The following THSD7B variants were observed in gnomAD, a reference collection of about 807,000 sequenced individuals.
THSD7B encodes thrombospondin type 1 domain containing 7B.
A neutral mutation model predicts 213.6 loss-of-function variants in THSD7B; 138 were observed. That is an observed-to-expected ratio of 0.65 (90% CI 0.56 to 0.74). THSD7B has a LOEUF of 0.74. Among genes scored for constraint, THSD7B ranks in the 30% least tolerant of loss-of-function variants. The pLI is 0.00. For missense variants in THSD7B, 1,931 were observed against 1,991.5 expected, an observed-to-expected ratio of 0.97 and a Z score of 0.58; for synonymous variants, 742 against 687.0, an observed-to-expected ratio of 1.08 and a Z score of -1.25.
chr2:137,474,757 T>C (rs1688161104), intron 15 of THSD7B, among the ~76,000 whole-genome samples: 1 of 152,192 alleles, frequency 6.6e-6, no homozygotes, highest in Non-Finnish European at 1.5e-5. Context: ...CTCAGCAAGA[T>C]TAAACTCTCA....
At chr2:137,418,839 A>G (rs1448880972) in intron 14 of THSD7B, among the ~76,000 whole-genome samples, 1 of 152,128 alleles carries the variant, frequency 6.6e-6, no homozygotes, top group Non-Finnish European at 1.5e-5. Flanking sequence ...CTCCAGTTCA[A>G]TCAATGTTGC....
At chr2:137,311,148 T>C (rs1202585848) in intron 12 of THSD7B, among the ~76,000 whole-genome samples, 2 of 151,374 alleles carry the variant, frequency 1.3e-5, no homozygotes, top group African/African-American at 2.4e-5. Flanking sequence ...CATGGAATGT[T>C]CTTCCATTTG....
intron 2 of THSD7B, among the ~76,000 whole-genome samples, chr2:136,954,714 C>CAAAAAAAAAAAAAAA (rs11378111): frequency 7.8e-5 from 7 of 89,398 alleles, no homozygotes; most frequent in African/African-American, 3.9e-4. Flanking sequence ...GACTCTGTCT[C>CAAAAAAAAAAAAAAA]AAAAAAAAAA....
intron 2 of THSD7B, among the ~76,000 whole-genome samples, chr2:136,965,019 A>AG (rs2105089652): frequency 6.6e-6 from 1 of 152,024 alleles, no homozygotes; most frequent in South Asian, 2.1e-4. Context: ...TCAAAAAAAA[A>AG]AAAAAAAAAA....
chr2:137,636,704 T>C (rs1194387935), intron 20 of THSD7B, among the ~76,000 whole-genome samples: 2 of 152,264 alleles, frequency 1.3e-5, no homozygotes, highest in Non-Finnish European at 2.9e-5. Context: ...AGTTTTATTT[T>C]ACAGAAAATT....
chr2:137,533,445 ATACTC>A (rs1326286046), intron 15 of THSD7B, among the ~76,000 whole-genome samples: 8 of 151,850 alleles, frequency 5.3e-5, no homozygotes, highest in Non-Finnish European at 8.8e-5. Context: ...CTTCAACTCA[ATACTC>A]TACTTATTAA....
At chr2:137,654,980 T>C (rs35881188) in intron 21 of THSD7B, among the ~76,000 whole-genome samples, 13,267 of 152,228 alleles carry the variant, frequency 0.087, 661 homozygotes, top group Middle Eastern at 0.16. Context: ...GGGTATGACA[T>C]GTCTTCAAAG....
At chr2:136,861,256 C>T (rs918606348) in intron 1 of THSD7B, among the ~76,000 whole-genome samples, 7 of 152,146 alleles carry the variant, frequency 4.6e-5, no homozygotes, top group African/African-American at 1.4e-4. Flanking sequence ...TTTAGGGTCT[C>T]ATTATTTAGT....
chr2:137,007,004 T>A (rs961583437), intron 2 of THSD7B, among the ~76,000 whole-genome samples: 2 of 152,194 alleles, frequency 1.3e-5, no homozygotes, highest in African/African-American at 4.8e-5. Flanking sequence ...GCTCAAAACA[T>A]TTCTTCCTAG....
chr2:136,973,971 T>C (rs1380327582), intron 2 of THSD7B, among the ~76,000 whole-genome samples: 1 of 152,218 alleles, frequency 6.6e-6, no homozygotes, highest in Non-Finnish European at 1.5e-5. Context: ...AAATTTAGGC[T>C]AAGTGGAATT....
intron 2 of THSD7B, among the ~76,000 whole-genome samples, chr2:137,016,366 G>A (rs1333214090): frequency 6.6e-6 from 1 of 152,096 alleles, no homozygotes; most frequent in Non-Finnish European, 1.5e-5. Context: ...AGTGAATTTG[G>A]GGAGATATTT....
intron 15 of THSD7B, among the ~76,000 whole-genome samples, chr2:137,543,430 G>T (rs191798913): frequency 1.6e-4 from 25 of 151,894 alleles, no homozygotes; most frequent in African/African-American, 5.8e-4. Flanking sequence ...ATATCCACAT[G>T]CAAAGAATGA....
chr2:136,823,444 C>T (rs1682596652), intron 1 of THSD7B, among the ~76,000 whole-genome samples: 1 of 152,190 alleles, frequency 6.6e-6, no homozygotes, highest in Non-Finnish European at 1.5e-5. Flanking sequence ...AAGACGGACT[C>T]CTTAACATGA....
intron 2 of THSD7B, among the ~76,000 whole-genome samples, chr2:136,960,819 G>A (rs971546379): frequency 6.6e-6 from 1 of 152,088 alleles, no homozygotes; most frequent in Non-Finnish European, 1.5e-5. Flanking sequence ...GCCGGGCGCA[G>A]TGGCTCAGGC....
At chr2:137,132,322 G>T (rs1688751207) in intron 5 of THSD7B, among the ~76,000 whole-genome samples, 1 of 151,118 alleles carries the variant, frequency 6.6e-6, no homozygotes, top group African/African-American at 2.4e-5. Flanking sequence ...CATGTCGTCT[G>T]CAAACAGGGA....
chr2:136,878,683 T>A (rs1573684626), intron 1 of THSD7B, among the ~76,000 whole-genome samples: 1 of 152,222 alleles, frequency 6.6e-6, no homozygotes, highest in East Asian at 1.9e-4. Flanking sequence ...GATGAGCATT[T>A]TTTCATGTCT....
chr2:137,551,080 A>G (rs1406179693), intron 15 of THSD7B, among the ~76,000 whole-genome samples: 2 of 151,990 alleles, frequency 1.3e-5, no homozygotes, highest in African/African-American at 4.8e-5. Context: ...ATATAAAGAT[A>G]CAAGCTGAAA....
rs571477496 is a variant in THSD7B, at chr2:136,947,295, T to G, written c.139+64978T>G. On this transcript the variant is annotated intron_variant, in intron 2 of 27. Coordinates refer to ENST00000409968, the MANE Select transcript of THSD7B (RefSeq NM_001316349.2). ...GATGGAATGGTAATGATAGACAGTT[T>G]GAAATATTTGGTTAATTGAGATATT... is the stretch of plus-strand genomic sequence containing the variant. Among the ~76,000 whole-genome samples, 166 of 152,236 alleles carry G rather than the reference T, an allele frequency of 1.1e-3. 1 individual carries two copies. The highest frequency in any genetic ancestry group is 5.9e-5 in the Non-Finnish European group (4 of 68,042).
At chr2:137,193,571 A>G (rs1452141650) in intron 7 of THSD7B, among the ~76,000 whole-genome samples, 1 of 152,154 alleles carries the variant, frequency 6.6e-6, no homozygotes, top group Non-Finnish European at 1.5e-5. Flanking sequence ...TTCTTGAGAT[A>G]GTAGGCTCAG....
Sources: allele counts gnomAD v4.1 joint callset (sites outside exome capture counted in the v4.1 genomes callset), GRCh38; gene constraint gnomAD v4.1.1; transcripts MANE v1.5; gene names NCBI Gene and HGNC (gene_info 2026-07-23, HGNC 2026-07-21).